The following PRKG1 variants were observed in gnomAD, a reference collection of about 807,000 sequenced individuals.
PRKG1 encodes the protein protein kinase cGMP-dependent 1, also known as cGMP-dependent protein kinase 1.
A neutral mutation model predicts 88.1 loss-of-function variants in PRKG1; 35 were observed. The ratio of observed to expected loss-of-function variants is 0.40; its 90% confidence interval spans 0.30 to 0.53. The LOEUF is 0.53. Among genes scored for constraint, PRKG1 ranks in the 20% least tolerant of loss-of-function variants. PRKG1 has a pLI of 0.59. For synonymous variants in PRKG1, 303 were observed against 292.5 expected (o/e 1.04, Z -0.37); for missense variants, 540 against 839.8 (o/e 0.64, Z 4.41).
chr10:51,438,628 A>G (rs1371669604), intron 2 of PRKG1, among the ~76,000 whole-genome samples: 1 of 151,914 alleles, frequency 6.6e-6, no homozygotes, highest in African/African-American at 2.4e-5. Flanking sequence ...ATATCATGTC[A>G]AGGTTACATA....
At chr10:51,383,691 C>A (rs898954823) in intron 2 of PRKG1, among the ~76,000 whole-genome samples, 1 of 152,158 alleles carries the variant, frequency 6.6e-6, no homozygotes, top group African/African-American at 2.4e-5. Context: ...ATGAGGGAAA[C>A]TACTGGCCTA....
At chr10:51,987,210 T>A (rs1054063306) in intron 5 of PRKG1, among the ~76,000 whole-genome samples, 1 of 152,074 alleles carries the variant, frequency 6.6e-6, no homozygotes, top group Non-Finnish European at 1.5e-5. Flanking sequence ...ATGTAAATGA[T>A]GTCCAGCAAA....
intron 2 of PRKG1, among the ~76,000 whole-genome samples, chr10:51,341,063 A>C (rs890930510): frequency 6.6e-6 from 1 of 152,194 alleles, no homozygotes; most frequent in African/African-American, 2.4e-5. Flanking sequence ...ACTGATTTCC[A>C]TAAAATATCC....
chr10:51,869,585 A>AT (rs1841105927), intron 4 of PRKG1, among the ~76,000 whole-genome samples: 3 of 152,038 alleles, frequency 2.0e-5, no homozygotes, highest in Admixed American at 1.3e-4. Context: ...GCTTACCATC[A>AT]TTTTTTCACC....
rs117216628 is a variant in PRKG1 at position 51,950,454 on chromosome 10, C to T, written c.762+42884C>T. Among the ~76,000 whole-genome samples the T allele has an allele frequency of 5.7e-4, 87 of 152,318 alleles. No homozygotes were observed. In the East Asian group the frequency reaches 0.013, roughly 23 times the overall value. ...TTGTAGTGACACAGGAATTTTCTTT[C>T]GGCCACTTTGCCAGACTCGCAGCAG... On this transcript the variant is annotated intron_variant, in intron 5 of 17. Coordinates refer to ENST00000373980, the MANE Select transcript of PRKG1 (RefSeq NM_006258.4).
At chr10:52,016,753 T>G (rs1845050368) in intron 5 of PRKG1, among the ~76,000 whole-genome samples, 1 of 152,188 alleles carries the variant, frequency 6.6e-6, no homozygotes, top group African/African-American at 2.4e-5. Context: ...TTTATAGTAT[T>G]TACATTCTGG....
At chr10:51,408,737 T>C (rs1318786003) in intron 2 of PRKG1, among the ~76,000 whole-genome samples, 2 of 152,202 alleles carry the variant, frequency 1.3e-5, no homozygotes, top group Non-Finnish European at 2.9e-5. Context: ...CCCGCCACCA[T>C]GGCCACTTTG....
chr10:51,485,690 CT>C (rs1373028459), intron 3 of PRKG1, among the ~76,000 whole-genome samples: 1 of 152,060 alleles, frequency 6.6e-6, no homozygotes, highest in Non-Finnish European at 1.5e-5. Context: ...ACATTGTTTG[CT>C]TTTGTTATTT....
In PRKG1 at chr10:51,728,943, C is replaced by A. The variant is rs772357963; in HGVS notation, c.593-75642C>A. On this transcript the variant is annotated intron_variant, in intron 3 of 17. Coordinates refer to ENST00000373980, the MANE Select transcript of PRKG1 (RefSeq NM_006258.4). ...TTATTCCCCTTTCAGAATTACAAAT[C>A]TCTTAGAAAGCCATTTTATTTCTTT... Among the ~76,000 whole-genome samples the A allele has an allele frequency of 1.0e-3, 152 of 152,294 alleles. 2 individuals carry two copies. The Middle Eastern group carries it at 0.017, about 17-fold the overall frequency.
intron 9 of PRKG1, among the ~76,000 whole-genome samples, chr10:52,236,037 G>A (rs1478905791): frequency 8.0e-6 from 1 of 125,354 alleles, no homozygotes; most frequent in Non-Finnish European, 1.6e-5. Context: ...CAACTATATG[G>A]AAACTGAACA....
intron 2 of PRKG1, among the ~76,000 whole-genome samples, chr10:51,437,411 G>A (rs528399241): frequency 1.3e-5 from 2 of 151,854 alleles, no homozygotes; most frequent in Non-Finnish European, 2.9e-5. Flanking sequence ...TTAAATTTGT[G>A]ACATCCAGTC....
At chr10:52,195,771 T>A (rs949690693) in intron 9 of PRKG1, among the ~76,000 whole-genome samples, 1 of 152,166 alleles carries the variant, frequency 6.6e-6, no homozygotes, top group African/African-American at 2.4e-5. Flanking sequence ...TAAATATTTT[T>A]ATCAATTTTG....
At chr10:52,042,844 G>A (rs767620742) in intron 5 of PRKG1, among the ~76,000 whole-genome samples, 8 of 151,804 alleles carry the variant, frequency 5.3e-5, no homozygotes, top group South Asian at 4.1e-4. Context: ...ATTAATGTCT[G>A]GTCTATGTAA....
At chr10:51,702,555 G>A (rs1841495364) in intron 3 of PRKG1, among the ~76,000 whole-genome samples, 1 of 152,152 alleles carries the variant, frequency 6.6e-6, no homozygotes, top group African/African-American at 2.4e-5. Context: ...ATGGTATAGT[G>A]TATGTCCAGA....
chr10:51,208,986 T>C (rs776792532), intron 2 of PRKG1, among the ~76,000 whole-genome samples: 1 of 152,186 alleles, frequency 6.6e-6, no homozygotes, highest in Non-Finnish European at 1.5e-5. Context: ...CAGAGTTTAC[T>C]AGGTATGGGT....
At chr10:51,935,564 C>T (rs755541540) in intron 5 of PRKG1, among the ~76,000 whole-genome samples, 2 of 152,164 alleles carry the variant, frequency 1.3e-5, no homozygotes, top group African/African-American at 4.8e-5. Context: ...TCATACAACC[C>T]GGCATTTGTT....
intron 3 of PRKG1, among the ~76,000 whole-genome samples, chr10:51,763,551 C>T (rs963476860): frequency 6.6e-6 from 1 of 150,736 alleles, no homozygotes; most frequent in Admixed American, 6.6e-5. Flanking sequence ...CCACACCCAG[C>T]CACATTATAT....
chr10:52,168,573 T>A (rs1161498662), intron 9 of PRKG1, among the ~76,000 whole-genome samples: 1 of 151,940 alleles, frequency 6.6e-6, no homozygotes, highest in African/African-American at 2.4e-5. Context: ...ATGAGACGAG[T>A]TGGTTTATAT....
intron 1 of PRKG1, among the ~76,000 whole-genome samples, chr10:51,106,743 A>G (rs10508935): frequency 0.22 from 33,739 of 152,122 alleles, 3,883 homozygotes; most frequent in Admixed American, 0.27. Context: ...TGAATATGTC[A>G]CTGAAATGCT....
Sources: allele counts gnomAD v4.1 joint callset (sites outside exome capture counted in the v4.1 genomes callset), GRCh38; gene constraint gnomAD v4.1.1; transcripts MANE v1.5; gene names NCBI Gene and HGNC (gene_info 2026-07-23, HGNC 2026-07-21).